PCDHA4: variants seen among roughly 807,000 people sequenced by gnomAD.
PCDHA4 encodes the protein protocadherin alpha-4.
A neutral mutation model predicts 61.4 loss-of-function variants in PCDHA4; 49 were observed. The ratio of observed to expected loss-of-function variants is 0.80; its 90% CI spans 0.63 to 1.01. PCDHA4 has a LOEUF of 1.01. Ranked by LOEUF, PCDHA4 falls within the 50% of genes least tolerant of loss-of-function variation. The pLI, the probability that PCDHA4 is intolerant of heterozygous loss-of-function variation, is 0.00. For missense variants in PCDHA4, 1,254 were observed against 1,235.8 expected (o/e 1.01, Z -0.22); for synonymous variants, 590 against 550.3 (o/e 1.07, Z -1.01).
At position 140,928,265 on chromosome 5, in the gene PCDHA4, A is replaced by G. The variant is rs1208273188; in HGVS notation, c.2386-50684A>G. ...CAGGAACTTTTCGTTGCTGAAAACA[A>G]TGGCCCTGGGGCCTCTCTAGGCCGA... On this transcript the variant is annotated intron_variant, in intron 1 of 3. Coordinates refer to ENST00000530339, the MANE Select transcript of PCDHA4 (RefSeq NM_018907.4). The G allele has an allele frequency of 3.1e-6, 5 of 1,614,188 alleles. No individual in the cohort carries two copies. In the South Asian group the frequency reaches 3.3e-5, roughly 11 times the overall value.
chr5:140,902,703 T>C (rs1451324920), intron 1 of PCDHA4, among the ~76,000 whole-genome samples: 1 of 152,166 alleles, frequency 6.6e-6, no homozygotes, highest in African/African-American at 2.4e-5. Flanking sequence ...GTCTTTTATC[T>C]TTCACTCCCC....
intron 1 of PCDHA4, chr5:140,853,093 A>T (rs1554146395): frequency 9.0e-6 from 3 of 333,900 alleles, no homozygotes; most frequent in Non-Finnish European, 1.3e-5. Context: ...GTTAGTCAGG[A>T]TGGTCTCGAT....
intron 1 of PCDHA4, chr5:140,862,369 C>G: frequency 2.9e-6 from 1 of 341,442 alleles, no homozygotes; most frequent in South Asian, 2.3e-5. Flanking sequence ...CGACCCGCAC[C>G]CTGACTCCTC....
At chr5:140,835,561 T>C (rs1304711365) in intron 1 of PCDHA4, 2 of 1,613,924 alleles carry the variant, frequency 1.2e-6, no homozygotes, top group Non-Finnish European at 1.7e-6. Flanking sequence ...ACGCCCCGCG[T>C]TCCCTTCAAG....
chr5:140,907,034 C>G (rs1554192846), intron 1 of PCDHA4, among the ~76,000 whole-genome samples: 1 of 152,142 alleles, frequency 6.6e-6, no homozygotes, highest in Admixed American at 6.5e-5. Context: ...AACATAATGT[C>G]ACAGGGACAG....
chr5:140,900,180 T>G (rs1223345758), intron 1 of PCDHA4, among the ~76,000 whole-genome samples: 3 of 152,228 alleles, frequency 2.0e-5, no homozygotes, highest in Non-Finnish European at 4.4e-5. Context: ...CTGGTTTATG[T>G]CACTTATAAT....
intron 1 of PCDHA4, chr5:140,835,346 G>A (rs1773586509): frequency 6.2e-7 from 1 of 1,613,652 alleles, no homozygotes; most frequent in African/African-American, 1.3e-5. Flanking sequence ...TCCCAGTCGA[G>A]GCTGTCGATA....
At position 140,808,674 on chromosome 5, in the gene PCDHA4, A is replaced by G; in HGVS notation, c.1487A>G (p.Glu496Gly). ...GCGCTGGTGTCCTACTCGCTGGTAGAGCGGCGGGTAGGGGAGCGCGCGCTG... is the reference window on the plus strand; with the variant it reads ...GCGCTGGTGTCCTACTCGCTGGTAGGGCGGCGGGTAGGGGAGCGCGCGCTG... ...ENALVSYSLV[E>G]RRVGERALSS... The change falls in exon 1 of 4, where the codon GAG becomes GGG. Residue 496 changes from glutamate to glycine, a missense_variant. Transcript: ENST00000530339. 1 of 1,612,708 alleles carries G rather than the reference A, an allele frequency of 6.2e-7. No individual in the cohort carries two copies. The highest frequency in any genetic ancestry group is 1.1e-5 in the South Asian group (1 of 91,026).
intron 1 of PCDHA4, chr5:140,836,547 CG>C (rs2150263715): frequency 3.1e-6 from 5 of 1,613,738 alleles, no homozygotes; most frequent in Non-Finnish European, 3.4e-6. Context: ...CACGGCGTTG[CG>C]GTGCTCAGCG....
At chr5:140,834,417 C>A (rs1772976539) in intron 1 of PCDHA4, 5 of 1,611,544 alleles carry the variant, frequency 3.1e-6, no homozygotes, top group Non-Finnish European at 3.4e-6. Flanking sequence ...CCCAGGGGGC[C>A]GACATCTACT....
intron 1 of PCDHA4, chr5:140,834,135 T>G: frequency 4.1e-6 from 2 of 483,320 alleles, no homozygotes; most frequent in Middle Eastern, 5.3e-4. Context: ...TTTCATCTGA[T>G]TAATAGTTTG....
intron 1 of PCDHA4, chr5:140,881,365 T>G (rs1216010175): frequency 2.0e-6 from 2 of 985,144 alleles, no homozygotes; most frequent in Non-Finnish European, 2.4e-6. Context: ...GGCTTTCGTA[T>G]GAATTGCAGC....
Position 140,807,452 on chromosome 5 carries a change from C to A in PCDHA4, c.265C>A (p.Arg89=). 6.2e-7 allele frequency: 1 copy of A among 1,607,216 alleles called. No individual in the cohort carries two copies. The highest frequency in any genetic ancestry group is 1.1e-5 in the South Asian group (1 of 90,592). ...LQNGILFVNS[R]IDREELCRRS... is the part of the protein sequence containing the mutation. ...GAATGGCATTTTGTTTGTGAATTCT[C>A]GGATCGACCGGGAGGAGCTGTGCCG... Residue 89 remains arginine (R), a synonymous_variant, in exon 1 of 4, where the codon CGG becomes AGG. Coordinates refer to ENST00000530339, the MANE Select transcript of PCDHA4 (RefSeq NM_018907.4).
intron 1 of PCDHA4, among the ~76,000 whole-genome samples, chr5:140,896,352 A>G (rs1045413506): frequency 2.6e-5 from 4 of 152,166 alleles, no homozygotes; most frequent in African/African-American, 4.8e-5. Flanking sequence ...TCCCGCCAGC[A>G]GTGTATAAGC....
chr5:140,807,457 C>A lies in PCDHA4; in HGVS notation c.270C>A (p.Ile90=), dbSNP rs1366050536. ...QNGILFVNSR[I]DREELCRRSA... ...GCATTTTGTTTGTGAATTCTCGGAT[C>A]GACCGGGAGGAGCTGTGCCGGCGGA... is the stretch of plus-strand genomic sequence containing the variant. The change falls in exon 1 of 4, where the codon ATC becomes ATA. Residue 90 remains isoleucine (I), a synonymous_variant. Transcript: ENST00000530339. 1.2e-6 allele frequency: 2 copies of A among 1,607,918 alleles called. No homozygotes were observed. The highest frequency in any genetic ancestry group is 1.7e-6 in the Non-Finnish European group (2 of 1,178,078).
At chr5:140,894,527 G>T (rs1184887485) in intron 1 of PCDHA4, among the ~76,000 whole-genome samples, 1 of 151,472 alleles carries the variant, frequency 6.6e-6, no homozygotes, top group African/African-American at 2.4e-5. Flanking sequence ...ATGCTGTTAT[G>T]TGCCTTCTGG....
At position 140,821,840 on chromosome 5, in the gene PCDHA4, A is replaced by G. The variant is rs140580277; in HGVS notation, c.2385+12268A>G. On this transcript the variant is annotated intron_variant, in intron 1 of 3. Transcript: ENST00000530339. ...CTGCTGCTCTGGCTTCTCCTTGCCT[A>G]CTGGAAGGCAGGGAGCGGCCAGCTC... The G allele has an allele frequency of 1.8e-3, 2,868 of 1,614,150 alleles. 95 individuals carry two copies. The Admixed American group carries it at 0.045, about 25-fold the overall frequency.
intron 1 of PCDHA4, chr5:140,868,793 C>T: frequency 3.1e-6 from 1 of 326,092 alleles, no homozygotes; most frequent in Non-Finnish European, 5.5e-6. Context: ...CTGAATATTC[C>T]ATAAATAAGC....
chr5:140,955,932 A>T (rs907189668), intron 1 of PCDHA4, among the ~76,000 whole-genome samples: 2 of 152,106 alleles, frequency 1.3e-5, no homozygotes, highest in Non-Finnish European at 2.9e-5. Flanking sequence ...GTTCATTCAT[A>T]ATATGGCTGT....
Sources: gnomAD v4.1 joint callset for allele counts (sites outside exome capture counted in the v4.1 genomes callset) on GRCh38, gnomAD v4.1.1 for gene constraint, MANE v1.5 for transcripts, NCBI Gene and HGNC (gene_info 2026-07-23, HGNC 2026-07-21) for gene names.